Variants in CDH13 observed in about 807,000 individuals in gnomAD.
CDH13 encodes the protein cadherin-13.
In CDH13, 24 loss-of-function variants were observed where a neutral mutation model predicts 63.8. The observed-to-expected ratio is 0.38, with a 90% confidence interval of 0.27 to 0.53. The LOEUF (loss-of-function observed/expected upper bound fraction) is 0.53. CDH13 is among the 20% of genes least tolerant of loss of function. The probability of loss-of-function intolerance (pLI) is 0.85; values close to 1 mark genes in which losing one functional copy is unlikely to be tolerated. For synonymous variants in CDH13, 503 were observed against 355.3 expected (o/e 1.42, Z -4.67); for missense variants, 1,049 against 903.1 (o/e 1.16, Z -2.07).
chr16:83,254,949 CTCTTTCTTTCTTTCTT>C (rs11269178), intron 5 of CDH13, among the ~76,000 whole-genome samples: 5 of 6,728 alleles, frequency 7.4e-4, no homozygotes, highest in Non-Finnish European at 2.2e-3. Context: ...TTTTCTTTTT[CTCTTTCTTTCTTTCTT>C]TCTTTCTTTC....
At chr16:82,642,585 T>C (rs1334514173) in intron 1 of CDH13, among the ~76,000 whole-genome samples, 2 of 152,354 alleles carry the variant, frequency 1.3e-5, no homozygotes, top group East Asian at 1.9e-4. Context: ...TTCCTAATCA[T>C]ACAATCTCCA....
At chr16:83,069,752 A>C (rs562690938) in intron 3 of CDH13, among the ~76,000 whole-genome samples, 1 of 152,270 alleles carries the variant, frequency 6.6e-6, no homozygotes, top group African/African-American at 2.4e-5. Context: ...TTCCAGTGCT[A>C]ACCCTGTTCA....
rs962544311 is a variant in CDH13 at position 83,047,361 on chromosome 16, G to A, written c.366+15143G>A. 2.6e-5 allele frequency among the ~76,000 whole-genome samples: 4 copies of A among 152,164 alleles called. No homozygotes were observed. Among genetic ancestry groups the A allele is most frequent in the Admixed American group, 6.5e-5 (1 of 15,272 alleles). The stretch of plus-strand genomic sequence containing the variant: ...TAAACCGTGGTTAACACAGATAATT[G>A]AGACTTGAGTGCTTTTTTATTCCAA... On this transcript the variant is annotated intron_variant, in intron 3 of 13. Transcript: ENST00000567109. This position sits in a 1 kb window ranked among gnomAD's most constrained non-coding sequence, Gnocchi z 4.9.
intron 1 of CDH13, among the ~76,000 whole-genome samples, chr16:82,797,176 G>A (rs973474090): frequency 6.6e-6 from 1 of 152,160 alleles, no homozygotes; most frequent in Non-Finnish European, 1.5e-5. Context: ...CACTCTTTCA[G>A]TGTGGGGAGG....
intron 2 of CDH13, among the ~76,000 whole-genome samples, chr16:82,874,733 G>A (rs1199765728): frequency 6.6e-6 from 1 of 152,168 alleles, no homozygotes; most frequent in Admixed American, 6.5e-5. Flanking sequence ...AACCTCCCAG[G>A]AATATGGTTA....
chr16:83,562,385 T>A (rs2075724791), intron 7 of CDH13, among the ~76,000 whole-genome samples: 1 of 152,216 alleles, frequency 6.6e-6, no homozygotes, highest in East Asian at 1.9e-4. Context: ...CAGCACCAAC[T>A]TCTTTTCTTA....
intron 2 of CDH13, among the ~76,000 whole-genome samples, chr16:82,902,153 T>G (rs2041492898): frequency 6.6e-6 from 1 of 152,158 alleles, no homozygotes; most frequent in Non-Finnish European, 1.5e-5. Flanking sequence ...TTGATGGATG[T>G]GAGGTGATTT....
At chr16:83,731,241 C>T (rs1339745522) in intron 10 of CDH13, among the ~76,000 whole-genome samples, 1 of 152,194 alleles carries the variant, frequency 6.6e-6, no homozygotes, top group Non-Finnish European at 1.5e-5. Context: ...AATCTCCAAA[C>T]TGCTTTGGAC....
chr16:83,449,544 C>G (rs1192565043), intron 6 of CDH13, among the ~76,000 whole-genome samples: 1 of 152,156 alleles, frequency 6.6e-6, no homozygotes, highest in Non-Finnish European at 1.5e-5. Flanking sequence ...TCACTCTGAG[C>G]CTGGATTTCC....
chr16:83,451,908 C>A (rs896382000), intron 6 of CDH13, among the ~76,000 whole-genome samples: 3 of 152,200 alleles, frequency 2.0e-5, no homozygotes, highest in Non-Finnish European at 4.4e-5. Flanking sequence ...AAAATGGAGC[C>A]TTCAGTGCAT....
intron 1 of CDH13, among the ~76,000 whole-genome samples, chr16:82,723,823 T>C (rs940855493): frequency 6.6e-6 from 1 of 152,196 alleles, no homozygotes; most frequent in East Asian, 1.9e-4. Flanking sequence ...AATTGTGCCA[T>C]GTGCTAGGTT....
chr16:83,167,836 G>A (rs936945228), intron 4 of CDH13, among the ~76,000 whole-genome samples: 3 of 151,790 alleles, frequency 2.0e-5, no homozygotes, highest in Non-Finnish European at 4.4e-5. Context: ...GAAAAAAAAC[G>A]TGGTACATAT....
At chr16:83,615,605 C>G (rs1425272471) in intron 8 of CDH13, among the ~76,000 whole-genome samples, 1 of 152,034 alleles carries the variant, frequency 6.6e-6, no homozygotes, top group Non-Finnish European at 1.5e-5. Context: ...ACTGGGATCT[C>G]TATCTCATAT....
intron 1 of CDH13, among the ~76,000 whole-genome samples, chr16:82,856,626 C>T (rs2039707439): frequency 8.0e-6 from 1 of 124,610 alleles, no homozygotes; most frequent in South Asian, 2.6e-4. Flanking sequence ...CGCTTGAGCC[C>T]AGGAGGTTGG....
At chr16:82,682,838 G>C (rs927927972) in intron 1 of CDH13, among the ~76,000 whole-genome samples, 1 of 152,186 alleles carries the variant, frequency 6.6e-6, no homozygotes, top group Non-Finnish European at 1.5e-5. Context: ...GTGCCACCCT[G>C]AGGACTGGTG....
intron 6 of CDH13, among the ~76,000 whole-genome samples, chr16:83,396,922 G>A (rs1334593587): frequency 6.6e-6 from 1 of 152,126 alleles, no homozygotes; most frequent in Non-Finnish European, 1.5e-5. Context: ...CATTGTCCCA[G>A]GTTCCAGTTG....
chr16:83,590,960 G>C (rs1456840647), intron 7 of CDH13, among the ~76,000 whole-genome samples: 2 of 147,186 alleles, frequency 1.4e-5, no homozygotes, highest in South Asian at 2.2e-4. Context: ...GCCCAGGCTG[G>C]AGTGCAGTGG....
chr16:82,893,277 G>T (rs544955265), intron 2 of CDH13, among the ~76,000 whole-genome samples: 1 of 152,322 alleles, frequency 6.6e-6, no homozygotes, highest in East Asian at 1.9e-4. Flanking sequence ...CAGCAGTTTT[G>T]ATAGACATGG....
At chr16:83,653,238 C>T (rs1167229674) in intron 8 of CDH13, among the ~76,000 whole-genome samples, 1 of 152,024 alleles carries the variant, frequency 6.6e-6, no homozygotes, top group African/African-American at 2.4e-5. Context: ...GTGGTGGTTG[C>T]ACAACTCTGT....
Sources: allele counts gnomAD v4.1 joint callset (sites outside exome capture counted in the v4.1 genomes callset), GRCh38; gene constraint gnomAD v4.1.1; non-coding constraint Gnocchi (gnomAD v3.1); transcripts MANE v1.5; gene names NCBI Gene and HGNC (gene_info 2026-07-23, HGNC 2026-07-21).